Variants in GPC6 observed in about 807,000 individuals in gnomAD.
The protein encoded by GPC6 is glypican 6.
GPC6 carries 14 observed loss-of-function variants against 55.2 expected under a neutral mutation model. The ratio of observed to expected loss-of-function variants is 0.25; its 90% CI spans 0.17 to 0.40. The LOEUF (loss-of-function observed/expected upper bound fraction) is 0.40, where lower values mean the gene tolerates loss of function less well. Among genes scored for constraint, GPC6 ranks in the 10% least tolerant of loss-of-function variants. The pLI is 1.00. For missense variants in GPC6, 641 were observed against 708.5 expected (o/e 0.90, Z 1.08); for synonymous variants, 278 against 259.6 (o/e 1.07, Z -0.68).
chr13:93,701,346 T>A (rs1053872737), intron 2 of GPC6, among the ~76,000 whole-genome samples: 1 of 152,048 alleles, frequency 6.6e-6, no homozygotes, highest in Non-Finnish European at 1.5e-5. Context: ...AAAATTTGTG[T>A]GTAATAGCAT....
intron 4 of GPC6, among the ~76,000 whole-genome samples, chr13:94,279,909 T>C (rs747575515): frequency 7.2e-5 from 11 of 152,230 alleles, no homozygotes; most frequent in Non-Finnish European, 1.6e-4. Context: ...CTGAGAAGAA[T>C]GTATACTCTG....
At chr13:93,881,317 G>A (rs1489623539) in intron 3 of GPC6, among the ~76,000 whole-genome samples, 1 of 152,072 alleles carries the variant, frequency 6.6e-6, no homozygotes, top group Non-Finnish European at 1.5e-5. Flanking sequence ...AATTAATAGT[G>A]GACAAAAGAA....
chr13:93,721,653 C>A (rs1284857344), intron 2 of GPC6, among the ~76,000 whole-genome samples: 2 of 151,724 alleles, frequency 1.3e-5, no homozygotes, highest in Non-Finnish European at 2.9e-5. Flanking sequence ...CACCTGTTTA[C>A]TTTTCTAAGA....
At chr13:93,547,642 A>C (rs1874885469) in intron 2 of GPC6, among the ~76,000 whole-genome samples, 1 of 151,858 alleles carries the variant, frequency 6.6e-6, no homozygotes, top group South Asian at 2.1e-4. Flanking sequence ...TTTAGCAACC[A>C]CTCATCTTAT....
chr13:94,087,804 G>C (rs754286342), intron 4 of GPC6, among the ~76,000 whole-genome samples: 1 of 152,162 alleles, frequency 6.6e-6, no homozygotes, highest in African/African-American at 2.4e-5. Context: ...TTTGAGCTTA[G>C]CTTGCTTTGG....
At chr13:93,527,188 T>C (rs1276135283) in intron 1 of GPC6, among the ~76,000 whole-genome samples, 1 of 152,130 alleles carries the variant, frequency 6.6e-6, no homozygotes, top group Non-Finnish European at 1.5e-5. Flanking sequence ...CAAATTAACA[T>C]ATCCATCACC....
At chr13:94,050,241 T>G (rs113981892) in intron 4 of GPC6, among the ~76,000 whole-genome samples, 5 of 152,272 alleles carry the variant, frequency 3.3e-5, no homozygotes, top group African/African-American at 9.6e-5. Flanking sequence ...AGATGCTGTG[T>G]AAATATTTGT....
rs11070063 is a variant in GPC6, at chr13:93,580,130, C to T, written c.319+34709C>T. Among the ~76,000 whole-genome samples the T allele has an allele frequency of 1.8e-3, 269 of 152,258 alleles. 1 individual carries two copies. The highest frequency in any genetic ancestry group is 6.3e-3 in the African/African-American group (262 of 41,530). On this transcript the variant is annotated intron_variant, in intron 2 of 8. Coordinates refer to ENST00000377047, the MANE Select transcript of GPC6 (RefSeq NM_005708.5). ...GGCTGGTGCAAGTCCAAGATCAAGG[C>T]GCATGCAGATTCAAAGTCTGATGAG...
intron 1 of GPC6, among the ~76,000 whole-genome samples, chr13:93,278,242 T>C (rs1167042014): frequency 6.7e-6 from 1 of 149,688 alleles, no homozygotes; most frequent in Non-Finnish European, 1.5e-5. Context: ...GAATAGAGAT[T>C]TTTTTTTAAA....
At chr13:93,879,992 A>T (rs1180420238) in intron 3 of GPC6, among the ~76,000 whole-genome samples, 1 of 151,284 alleles carries the variant, frequency 6.6e-6, no homozygotes, top group Non-Finnish European at 1.5e-5. Context: ...CATCAGAGAA[A>T]TGCAAATCAA....
intron 6 of GPC6, among the ~76,000 whole-genome samples, chr13:94,346,548 C>T (rs1041771392): frequency 8.6e-5 from 13 of 151,870 alleles, no homozygotes; most frequent in East Asian, 3.9e-4. Flanking sequence ...TGATAAAACC[C>T]GTCTCTACTA....
chr13:93,869,780 C>T (rs1224607667), intron 3 of GPC6, among the ~76,000 whole-genome samples: 1 of 151,866 alleles, frequency 6.6e-6, no homozygotes, highest in African/African-American at 2.4e-5. Context: ...GCTGCATTCT[C>T]TCTAAATATG....
intron 1 of GPC6, among the ~76,000 whole-genome samples, chr13:93,523,478 C>T (rs562445486): frequency 1.3e-5 from 2 of 151,438 alleles, no homozygotes; most frequent in African/African-American, 4.8e-5. Flanking sequence ...ATTTTACACA[C>T]ATACACATAC....
chr13:93,352,843 T>G (rs896334978), intron 1 of GPC6, among the ~76,000 whole-genome samples: 1 of 152,236 alleles, frequency 6.6e-6, no homozygotes, highest in East Asian at 1.9e-4. Context: ...TACTGTGTGA[T>G]GAGTAGACTT....
intron 3 of GPC6, among the ~76,000 whole-genome samples, chr13:93,909,779 CT>C (rs1456297233): frequency 6.6e-6 from 1 of 152,088 alleles, no homozygotes; most frequent in Non-Finnish European, 1.5e-5. Flanking sequence ...TATAAAGTTA[CT>C]TTTCGCACTA....
chr13:94,207,922 A>G (rs1478024060), intron 4 of GPC6, among the ~76,000 whole-genome samples: 1 of 152,164 alleles, frequency 6.6e-6, no homozygotes, highest in Non-Finnish European at 1.5e-5. Context: ...CACCAACTTC[A>G]CATTATTTTT....
At position 94,129,274 on chromosome 13, in the gene GPC6, ACTGCCTG is replaced by A. The variant is rs200604908; in HGVS notation, c.877+101383_877+101389del. Among the ~76,000 whole-genome samples, 37 of 152,268 alleles carry A rather than the reference ACTGCCTG, an allele frequency of 2.4e-4. No individual in the cohort carries two copies. In the East Asian group the frequency reaches 6.0e-3, roughly 25 times the overall value. On this transcript the variant is annotated intron_variant, in intron 4 of 8. Coordinates refer to ENST00000377047, the MANE Select transcript of GPC6 (RefSeq NM_005708.5). Reference sequence around the variant, plus strand: ...AAACCATAAGCTGTGCTGGACAACTACTGCCTGCTCTCAGATCCCTTCCTCTCCTTTC... The same window carrying A: ...AAACCATAAGCTGTGCTGGACAACTACTCTCAGATCCCTTCCTCTCCTTTC...
At chr13:94,176,957 A>G (rs777057654) in intron 4 of GPC6, among the ~76,000 whole-genome samples, 5 of 152,318 alleles carry the variant, frequency 3.3e-5, no homozygotes, top group Middle Eastern at 3.4e-3. Flanking sequence ...GTACTACCCT[A>G]AGCGCACAAA....
At chr13:93,979,920 A>T (rs1446664021) in intron 3 of GPC6, among the ~76,000 whole-genome samples, 9 of 152,138 alleles carry the variant, frequency 5.9e-5, no homozygotes, top group African/African-American at 9.7e-5. Context: ...TATAAACTAT[A>T]AACTCCAGCC....
Sources: allele counts gnomAD v4.1 joint callset (sites outside exome capture counted in the v4.1 genomes callset), GRCh38; gene constraint gnomAD v4.1.1; transcripts MANE v1.5; gene names NCBI Gene and HGNC (gene_info 2026-07-23, HGNC 2026-07-21).